Variants in KCNC1 observed in about 807,000 individuals in gnomAD.
KCNC1 encodes the protein potassium voltage-gated channel subfamily C member 1.
In KCNC1, 8 loss-of-function variants were observed where a neutral mutation model predicts 43.4. The observed-to-expected ratio is 0.18, with a 90% CI of 0.11 to 0.33. The LOEUF is 0.33. KCNC1 is among the 10% of genes least tolerant of loss of function. KCNC1 has a pLI of 1.00. For synonymous variants in KCNC1, 361 were observed against 360.5 expected (o/e 1.00, Z -0.01); for missense variants, 420 against 836.0 (o/e 0.50, Z 6.14).
chr11:17,781,568 G>A lies in KCNC1; in HGVS notation c.1694-102G>A, dbSNP rs993673026. The A allele has an allele frequency of 3.7e-6, 3 of 817,006 alleles. No homozygotes were observed. Among genetic ancestry groups the A allele is most frequent in the South Asian group, 1.6e-5 (1 of 61,818 alleles). 50.6% of individuals were successfully genotyped at this position (817,006 alleles called of 1,614,324 possible). A position where few individuals can be genotyped will look rare whatever the true frequency, so the allele number is the denominator to read the frequency against. ...GAAGAATCTGCCTGCCTCTGCATGC[G>A]GCTGTTCTGTCTTTCCTCCTCCTTC... On this transcript the variant is annotated intron_variant, in intron 3 of 3. Coordinates refer to ENST00000265969, the MANE Select transcript of KCNC1 (RefSeq NM_001112741.2). The surrounding 1 kb of genome is among the most constrained non-coding windows in gnomAD (Gnocchi z 5.1).
At chr11:17,762,935 CAT>C (rs1176131655) in intron 1 of KCNC1, among the ~76,000 whole-genome samples, 6 of 152,316 alleles carry the variant, frequency 3.9e-5, no homozygotes, top group Middle Eastern at 6.8e-3. Context: ...CGATGTAAGA[CAT>C]GTGCGGATCC....
At chr11:17,743,414 C>A (rs989589910) in intron 1 of KCNC1, among the ~76,000 whole-genome samples, 6 of 152,224 alleles carry the variant, frequency 3.9e-5, no homozygotes, top group Non-Finnish European at 8.8e-5. Context: ...AACAACCTGT[C>A]CAGAACCTGT....
chr11:17,775,325 C>T (rs1849273036), intron 2 of KCNC1: 2 of 985,074 alleles, frequency 2.0e-6, no homozygotes, highest in South Asian at 4.7e-5. Context: ...GCCAGCAGCA[C>T]CTGCCCCTCA....
chr11:17,738,012 G>A (rs1005416375), intron 1 of KCNC1, among the ~76,000 whole-genome samples: 14 of 151,992 alleles, frequency 9.2e-5, no homozygotes, highest in South Asian at 8.3e-4. Flanking sequence ...CGGGGCGGGC[G>A]GGGGGCAGGT....
At chr11:17,743,780 A>G (rs908463528) in intron 1 of KCNC1, among the ~76,000 whole-genome samples, 19 of 152,166 alleles carry the variant, frequency 1.2e-4, no homozygotes, top group African/African-American at 4.3e-4. Context: ...GGTTTTGGTC[A>G]TCTATTCCCC....
intron 1 of KCNC1, among the ~76,000 whole-genome samples, chr11:17,760,625 G>A (rs1392995980): frequency 6.6e-6 from 1 of 152,190 alleles, no homozygotes; most frequent in Non-Finnish European, 1.5e-5. Flanking sequence ...ACCTGCTGGT[G>A]GCCAAGAAAG....
chr11:17,778,304 C>A (rs1478455362), intron 2 of KCNC1, among the ~76,000 whole-genome samples: 2 of 152,210 alleles, frequency 1.3e-5, no homozygotes, highest in Non-Finnish European at 2.9e-5. Context: ...TGCCCCCCAC[C>A]AAATGTGCTC....
At position 17,743,909 on chromosome 11, in the gene KCNC1, T is replaced by C. The variant is rs577483011; in HGVS notation, c.570+7337T>C. Among the ~76,000 whole-genome samples, 7 of 152,312 alleles carry C rather than the reference T, an allele frequency of 4.6e-5. No individual in the cohort carries two copies. In the East Asian group the frequency reaches 7.7e-4, roughly 17 times the overall value. ...GTCATGTTTTTGGGAGTGAGGGGTA[T>C]GCACTGGGCACTGAGTCATCCAGTT... On this transcript the variant is annotated intron_variant, in intron 1 of 3. Transcript: ENST00000265969.
At chr11:17,759,984 G>A (rs187212170) in intron 1 of KCNC1, among the ~76,000 whole-genome samples, 256 of 152,278 alleles carry the variant, frequency 1.7e-3, no homozygotes, top group Non-Finnish European at 2.4e-3. Flanking sequence ...GTCGAACGAG[G>A]CATGTCTGCA....
rs1009771675 is a variant in KCNC1 at position 17,736,326 on chromosome 11, G to A, written c.324G>A (p.Thr108=). 3 of 1,613,152 alleles carry A rather than the reference G, an allele frequency of 1.9e-6. No homozygotes were observed. The highest frequency in any genetic ancestry group is 1.8e-4 in the Middle Eastern group (1 of 5,676). The part of the protein sequence containing the change: ...ETDVEPCCWM[T]YRQHRDAEEA... ...ACGTGGAGCCCTGCTGCTGGATGAC[G>A]TACCGCCAGCACCGCGACGCCGAGG... Residue 108 remains threonine, a synonymous_variant, in exon 1 of 4, where the codon ACG becomes ACA. Coordinates refer to ENST00000265969, the MANE Select transcript of KCNC1 (RefSeq NM_001112741.2). This position sits in a 1 kb window ranked among gnomAD's most constrained non-coding sequence, Gnocchi z 9.3.
At chr11:17,775,471 A>G in intron 2 of KCNC1, 2 of 985,378 alleles carry the variant, frequency 2.0e-6, no homozygotes, top group Non-Finnish European at 2.4e-6. Context: ...CAAGAATCCA[A>G]TTCTCACCTG....
At chr11:17,753,718 C>T (rs1005015677) in intron 1 of KCNC1, among the ~76,000 whole-genome samples, 3 of 141,330 alleles carry the variant, frequency 2.1e-5, no homozygotes, top group South Asian at 5.2e-4. Context: ...GGGGAGGGGG[C>T]GGGTGGCAAT....
intron 1 of KCNC1, among the ~76,000 whole-genome samples, chr11:17,737,796 G>C (rs1393412890): frequency 6.6e-6 from 1 of 152,188 alleles, no homozygotes; most frequent in African/African-American, 2.4e-5. Flanking sequence ...CTGCCCTGCT[G>C]TCTTTTACTC....
chr11:17,737,838 G>C (rs1326457316), intron 1 of KCNC1, among the ~76,000 whole-genome samples: 1 of 152,176 alleles, frequency 6.6e-6, no homozygotes, highest in Non-Finnish European at 1.5e-5. Flanking sequence ...ACTGGAGCCT[G>C]AGCCAGAGCC....
chr11:17,780,045 G>A (rs1338857685), intron 3 of KCNC1: 1 of 162,700 alleles, frequency 6.1e-6, no homozygotes, highest in Non-Finnish European at 1.3e-5. Context: ...GCAGTGGAGT[G>A]GGCCAGGACC....
At position 17,779,392 on chromosome 11, in the gene KCNC1, T is replaced by TCCCCCCCTG; in HGVS notation, c.1505-57_1505-49dup. 1 of 1,333,908 alleles carries TCCCCCCCTG rather than the reference T, an allele frequency of 7.5e-7. No homozygotes were observed. Among genetic ancestry groups the TCCCCCCCTG allele is most frequent in the Non-Finnish European group, 9.8e-7 (1 of 1,016,204 alleles). The allele number at this position is 1,333,908 out of a possible 1,614,324, so 82.6% of individuals were successfully genotyped here. On this transcript the variant is annotated intron_variant, in intron 2 of 3. Transcript: ENST00000265969. The surrounding 1 kb of genome is among the most constrained non-coding windows in gnomAD (Gnocchi z 7.2). ...CTGCCAATACCCCGCTTCTGGCCTG[T>TCCCCCCCTG]CCCCCCCTGCCCCCCACTAAACAGT...
chr11:17,740,765 G>A (rs1848830764), intron 1 of KCNC1, among the ~76,000 whole-genome samples: 1 of 152,096 alleles, frequency 6.6e-6, no homozygotes, highest in Admixed American at 6.5e-5. Flanking sequence ...CCAGCTGCCT[G>A]CCTCTCCTCT....
chr11:17,775,989 G>T, intron 2 of KCNC1: 1 of 985,338 alleles, frequency 1.0e-6, no homozygotes, highest in African/African-American at 1.7e-5. Flanking sequence ...ATGGAGGGGG[G>T]AGGGAGCTGG....
rs566923780 is a variant in KCNC1, at chr11:17,776,125, G to A, written c.1505-3331G>A. ...TCAGGTGGGCTGTGGGGGAAGTAGC[G>A]GAGAAATGAAGTGACGCCAGGGGCC... On this transcript the variant is annotated intron_variant, in intron 2 of 3. Transcript: ENST00000265969. This position sits in a 1 kb window ranked among gnomAD's most constrained non-coding sequence, Gnocchi z 4.4. 5.4e-5 allele frequency: 53 copies of A among 985,466 alleles called. No individual in the cohort carries two copies. The African/African-American group carries it at 5.4e-4, about 10-fold the overall frequency. 61.0% of individuals were successfully genotyped at this position (985,466 alleles called of 1,614,324 possible).
Sources: gnomAD v4.1 joint callset for allele counts (sites outside exome capture counted in the v4.1 genomes callset) on GRCh38, gnomAD v4.1.1 for gene constraint, Gnocchi (gnomAD v3.1) non-coding constraint, MANE v1.5 for transcripts, NCBI Gene and HGNC (gene_info 2026-07-23, HGNC 2026-07-21) for gene names.